SUGCT: variants seen among roughly 807,000 people sequenced by gnomAD.
SUGCT encodes succinyl-CoA:glutarate CoA-transferase.
SUGCT carries 41 observed loss-of-function variants against 55.0 expected under a neutral mutation model. That is an observed-to-expected ratio of 0.74 (90% CI 0.58 to 0.97). The LOEUF (loss-of-function observed/expected upper bound fraction) is 0.97, where lower values mean the gene tolerates loss of function less well. Among genes scored for constraint, SUGCT ranks in the 50% least tolerant of loss-of-function variants. SUGCT has a pLI of 0.00. For synonymous variants in SUGCT, 187 were observed against 200.4 expected, an observed-to-expected ratio of 0.93 and a Z score of 0.56; for missense variants, 568 against 547.8, an observed-to-expected ratio of 1.04 and a Z score of -0.37.
the SUGCT span, among the ~76,000 whole-genome samples, chr7:40,940,284 T>C: frequency 2.6e-5 from 4 of 152,310 alleles, no homozygotes; most frequent in African/African-American, 9.6e-5. Flanking sequence ...CATAGCCTTT[T>C]GTAGTATAAT....
intron 12 of SUGCT, among the ~76,000 whole-genome samples, chr7:40,592,734 T>G (rs1797796354): frequency 6.6e-6 from 1 of 152,140 alleles, no homozygotes; most frequent in African/African-American, 2.4e-5. Flanking sequence ...GATATTTTGA[T>G]GTGTACCAAA....
the SUGCT span, among the ~76,000 whole-genome samples, chr7:40,941,365 C>A: frequency 6.6e-6 from 1 of 151,896 alleles, no homozygotes; most frequent in African/African-American, 2.4e-5. Flanking sequence ...TATTTAATTT[C>A]TATGTATTTG....
chr7:40,440,253 G>A (rs4563791), intron 9 of SUGCT, among the ~76,000 whole-genome samples: 82,192 of 149,002 alleles, frequency 0.55, 22,692 homozygotes, highest in South Asian at 0.65. Context: ...TCTGCTTCCC[G>A]GGTTGAAGTG....
chr7:40,413,521 TGGGCAGG>T (rs1261830106), intron 9 of SUGCT, among the ~76,000 whole-genome samples: 2 of 152,164 alleles, frequency 1.3e-5, no homozygotes, highest in African/African-American at 4.8e-5. Context: ...ATATACTATT[TGGGCAGG>T]AATGTACATT....
chr7:40,907,104 TGTGTGTGTGTGTGTG>T, the SUGCT span, among the ~76,000 whole-genome samples: 6 of 113,524 alleles, frequency 5.3e-5, no homozygotes, highest in African/African-American at 2.1e-4. Context: ...ATAGTGTGTG[TGTGTGTGTGTGTGTG>T]TGTGTGTGTG....
chr7:40,364,721 G>A (rs1297261760), intron 9 of SUGCT, among the ~76,000 whole-genome samples: 3 of 152,018 alleles, frequency 2.0e-5, no homozygotes, highest in Non-Finnish European at 4.4e-5. Flanking sequence ...TGGGTAACCC[G>A]ACCTTTAAAA....
intron 13 of SUGCT, among the ~76,000 whole-genome samples, chr7:40,757,928 T>C (rs1788339312): frequency 6.6e-6 from 1 of 152,216 alleles, no homozygotes; most frequent in Admixed American, 6.5e-5. Context: ...GTACTGACTT[T>C]ACGATAAGCA....
chr7:40,934,741 C>T, the SUGCT span, among the ~76,000 whole-genome samples: 1 of 152,202 alleles, frequency 6.6e-6, no homozygotes, highest in African/African-American at 2.4e-5. Flanking sequence ...GTAGGACCCG[C>T]CAAGCCAGGC....
chr7:40,441,578 A>T (rs1000960815), intron 9 of SUGCT, among the ~76,000 whole-genome samples: 1 of 152,016 alleles, frequency 6.6e-6, no homozygotes, highest in Non-Finnish European at 1.5e-5. Context: ...TTGTGATAGG[A>T]TGTTAAAAAA....
intron 9 of SUGCT, among the ~76,000 whole-genome samples, chr7:40,365,274 G>C (rs1223827212): frequency 6.6e-6 from 1 of 151,556 alleles, no homozygotes; most frequent in Non-Finnish European, 1.5e-5. Flanking sequence ...AAAATAATAA[G>C]AGCTATCTAT....
chr7:40,296,612 CGT>C (rs10528858), intron 8 of SUGCT, among the ~76,000 whole-genome samples: 5,457 of 144,640 alleles, frequency 0.038, 327 homozygotes, highest in African/African-American at 0.13. Context: ...GTGAGTGACT[CGT>C]GTGTGTGTGT....
intron 8 of SUGCT, among the ~76,000 whole-genome samples, chr7:40,302,362 G>A (rs1794588428): frequency 6.6e-6 from 1 of 152,124 alleles, no homozygotes; most frequent in Admixed American, 6.6e-5. Flanking sequence ...ATCCACTTCA[G>A]TGGCTTTACC....
intron 9 of SUGCT, among the ~76,000 whole-genome samples, chr7:40,394,099 C>T (rs752895112): frequency 6.6e-6 from 1 of 152,126 alleles, no homozygotes; most frequent in Non-Finnish European, 1.5e-5. Context: ...GTTGCTGAGA[C>T]ACGGGCAGGA....
intron 13 of SUGCT, among the ~76,000 whole-genome samples, chr7:40,759,809 A>G (rs995169751): frequency 4.0e-5 from 6 of 151,834 alleles, no homozygotes; most frequent in African/African-American, 9.7e-5. Flanking sequence ...GGGATTACCT[A>G]TTTTGGGATT....
intron 12 of SUGCT, among the ~76,000 whole-genome samples, chr7:40,690,236 A>G (rs1784635295): frequency 6.6e-6 from 1 of 152,100 alleles, no homozygotes. Flanking sequence ...TGTTGCCTTA[A>G]AGTTGTTGTA....
At chr7:40,957,750 C>T in the SUGCT span, among the ~76,000 whole-genome samples, 7 of 152,182 alleles carry the variant, frequency 4.6e-5, no homozygotes, top group Non-Finnish European at 1.0e-4. Flanking sequence ...GCAGTTTCTT[C>T]ATAGTTTCGG....
At chr7:40,250,549 T>C (rs1731434606) in intron 7 of SUGCT, among the ~76,000 whole-genome samples, 1 of 152,120 alleles carries the variant, frequency 6.6e-6, no homozygotes, top group South Asian at 2.1e-4. Context: ...GCATCAATGT[T>C]GACATCTGTT....
intron 9 of SUGCT, among the ~76,000 whole-genome samples, chr7:40,387,455 A>G (rs940298886): frequency 1.4e-4 from 22 of 152,200 alleles, no homozygotes; most frequent in Non-Finnish European, 1.5e-5. Flanking sequence ...AACAGAACAC[A>G]GGAAACTACC....
rs376474794 is a variant in SUGCT, at chr7:40,365,453, G to A, written c.816+48598G>A. Among the ~76,000 whole-genome samples the A allele has an allele frequency of 2.7e-3, 408 of 151,988 alleles. 7 individuals are homozygous for A. In the South Asian group the frequency reaches 0.035, roughly 13 times the overall value. ...GAAGGAAATAAAGGGTATTCAATTA[G>A]GAAAAGAGGAAGTCAAATTGTCCCT... is the stretch of plus-strand genomic sequence containing the variant. On this transcript the variant is annotated intron_variant, in intron 9 of 13. Coordinates refer to ENST00000335693, the MANE Select transcript of SUGCT (RefSeq NM_001193313.2).
Sources: gnomAD v4.1 joint callset for allele counts (sites outside exome capture counted in the v4.1 genomes callset) on GRCh38, gnomAD v4.1.1 for gene constraint, MANE v1.5 for transcripts, NCBI Gene and HGNC (gene_info 2026-07-23, HGNC 2026-07-21) for gene names.